Variants in BMP5 observed in about 807,000 individuals in gnomAD.
BMP5 encodes the protein bone morphogenetic protein 5.
In BMP5, 23 loss-of-function variants were observed where a neutral mutation model predicts 46.6. The ratio of observed to expected loss-of-function variants is 0.49; its 90% confidence interval spans 0.35 to 0.70. BMP5 has a LOEUF of 0.70. Ranked by LOEUF, BMP5 falls within the 30% of genes least tolerant of loss-of-function variation. The pLI is 0.00. For missense variants in BMP5, 545 were observed against 565.6 expected (o/e 0.96, Z 0.37); for synonymous variants, 204 against 191.9 (o/e 1.06, Z -0.52).
In BMP5 at chr6:55,819,771, A is replaced by C; in HGVS notation, c.567T>G (p.His189Gln). 1 of 1,613,706 alleles carries C rather than the reference A, an allele frequency of 6.2e-7. No homozygotes were observed. The highest frequency in any genetic ancestry group is 8.5e-7 in the Non-Finnish European group (1 of 1,179,784). Residue 189 changes from histidine to glutamine, a missense_variant, in exon 2 of 7, where the codon CAT becomes CAG. Physicochemically the swap from His to Gln is conservative, Grantham distance 24. Coordinates refer to ENST00000370830, the MANE Select transcript of BMP5 (RefSeq NM_021073.4). The part of the protein sequence containing the change: ...EFRFDLTQIP[H>Q]GEAVTAAEFR... ...ATTCAGCTGCTGTCACTGCCTCTCC[A>C]TGAGGAATTTGGGTAAGATCAAATC...
intron 1 of BMP5, among the ~76,000 whole-genome samples, chr6:55,847,437 A>C (rs957508675): frequency 1.3e-5 from 2 of 151,994 alleles, no homozygotes; most frequent in Admixed American, 1.3e-4. Context: ...GTAGGCATAC[A>C]ACAGAAGTGA....
At chr6:55,813,780 C>G (rs1421480960) in intron 2 of BMP5, among the ~76,000 whole-genome samples, 1 of 121,890 alleles carries the variant, frequency 8.2e-6, no homozygotes, top group Non-Finnish European at 1.6e-5. Flanking sequence ...GAGCGAGACA[C>G]CGTCTCAAAA....
chr6:55,811,620 TC>T (rs1474098811), intron 2 of BMP5, among the ~76,000 whole-genome samples: 1 of 152,088 alleles, frequency 6.6e-6, no homozygotes, highest in Non-Finnish European at 1.5e-5. Context: ...GAACATTTCT[TC>T]TGGCATACAC....
intron 1 of BMP5, among the ~76,000 whole-genome samples, chr6:55,831,634 A>G (rs1338483140): frequency 1.3e-5 from 2 of 151,684 alleles, no homozygotes; most frequent in African/African-American, 4.9e-5. Context: ...AGAAAAGAAG[A>G]CTTTAAAAAA....
At chr6:55,840,040 T>C (rs554935331) in intron 1 of BMP5, among the ~76,000 whole-genome samples, 1 of 152,272 alleles carries the variant, frequency 6.6e-6, no homozygotes, top group African/African-American at 2.4e-5. Context: ...TTTTTTATTT[T>C]GATGAAATCA....
chr6:55,771,202 C>T (rs1775039399), intron 4 of BMP5, among the ~76,000 whole-genome samples: 1 of 151,798 alleles, frequency 6.6e-6, no homozygotes, highest in South Asian at 2.1e-4. Flanking sequence ...ACTGAATATA[C>T]TCCTTCAAGC....
intron 1 of BMP5, chr6:55,865,452 G>A (rs755136951): frequency 2.0e-6 from 1 of 496,626 alleles, no homozygotes; most frequent in Non-Finnish European, 4.0e-6. Context: ...CACAGAAAAT[G>A]TTGCTTTTGG....
chr6:55,834,639 G>A (rs183219114), intron 1 of BMP5, among the ~76,000 whole-genome samples: 196 of 151,820 alleles, frequency 1.3e-3, no homozygotes, highest in Non-Finnish European at 2.2e-3. Context: ...AGCTGTCAAG[G>A]GAATACACGC....
intron 1 of BMP5, among the ~76,000 whole-genome samples, chr6:55,848,144 A>G (rs1440352701): frequency 6.6e-6 from 1 of 151,982 alleles, no homozygotes; most frequent in Non-Finnish European, 1.5e-5. Context: ...TTCTTTGTGT[A>G]TATTTCTATA....
At chr6:55,866,517 A>C (rs1777643026) in intron 1 of BMP5, among the ~76,000 whole-genome samples, 1 of 152,192 alleles carries the variant, frequency 6.6e-6, no homozygotes, top group East Asian at 1.9e-4. Flanking sequence ...TTTAACACAC[A>C]GTCGTGGATC....
At position 55,865,180 on chromosome 6, in the gene BMP5, A is replaced by C. The variant is rs372142573; in HGVS notation, c.490+9196T>G. Among the ~76,000 whole-genome samples, 125 of 152,270 alleles carry C rather than the reference A, an allele frequency of 8.2e-4. 4 individuals are homozygous for C. In the South Asian group the frequency reaches 0.025, roughly 30 times the overall value. On this transcript the variant is annotated intron_variant, in intron 1 of 6. Transcript: ENST00000370830. ...CAACTTCTTAAAAATTAAAACCCTC[A>C]AAGTGAGTTGACTTATGAAAATAAG...
chr6:55,763,398 G>A (rs1179292167), intron 4 of BMP5, among the ~76,000 whole-genome samples: 2 of 152,028 alleles, frequency 1.3e-5, no homozygotes, highest in South Asian at 2.1e-4. Flanking sequence ...ACAGAATCTG[G>A]TTCCAAGAGT....
chr6:55,869,316 C>A (rs1777725521), intron 1 of BMP5, among the ~76,000 whole-genome samples: 1 of 152,158 alleles, frequency 6.6e-6, no homozygotes, highest in Non-Finnish European at 1.5e-5. Flanking sequence ...TCTCCTCCAC[C>A]TGTACAACTG....
intron 1 of BMP5, among the ~76,000 whole-genome samples, chr6:55,860,004 G>T (rs1334153915): frequency 2.6e-5 from 4 of 152,178 alleles, no homozygotes; most frequent in Admixed American, 6.5e-5. Flanking sequence ...GAAATGTTTT[G>T]GTGGCTCATG....
chr6:55,769,699 A>G (rs750756349), intron 4 of BMP5, among the ~76,000 whole-genome samples: 6 of 151,942 alleles, frequency 3.9e-5, no homozygotes, highest in Non-Finnish European at 8.8e-5. Context: ...ATCACTATTT[A>G]TGGAAGCTGT....
At chr6:55,794,599 C>T (rs1464568486) in intron 2 of BMP5, among the ~76,000 whole-genome samples, 172 bp from the exon 3 acceptor site, 1 of 152,178 alleles carries the variant, frequency 6.6e-6, no homozygotes, top group Non-Finnish European at 1.5e-5. Context: ...ACCTTTGTTA[C>T]TAGGCTCCCA....
At chr6:55,758,767 T>G (rs1774677858) in intron 6 of BMP5, among the ~76,000 whole-genome samples, 1 of 151,878 alleles carries the variant, frequency 6.6e-6, no homozygotes, top group Admixed American at 6.6e-5. Flanking sequence ...GACCATTTCA[T>G]GTTATTACTC....
intron 3 of BMP5, among the ~76,000 whole-genome samples, chr6:55,776,697 G>A (rs552592188): frequency 2.6e-4 from 39 of 151,972 alleles, no homozygotes; most frequent in Middle Eastern, 3.4e-3. Flanking sequence ...AGGTTGCTGA[G>A]AGATGTTCAT....
intron 1 of BMP5, among the ~76,000 whole-genome samples, chr6:55,852,562 G>A (rs1045134683): frequency 2.0e-5 from 3 of 151,880 alleles, no homozygotes; most frequent in Non-Finnish European, 2.9e-5. Flanking sequence ...TAGTCTCTGA[G>A]TGCTCTTTAC....
Sources: allele counts gnomAD v4.1 joint callset (sites outside exome capture counted in the v4.1 genomes callset), GRCh38; gene constraint gnomAD v4.1.1; transcripts MANE v1.5; gene names NCBI Gene and HGNC (gene_info 2026-07-23, HGNC 2026-07-21).